Variants in PDE8B observed in about 807,000 individuals in gnomAD.
PDE8B encodes phosphodiesterase 8B.
PDE8B carries 26 observed loss-of-function variants against 101.3 expected under a neutral mutation model. The ratio of observed to expected loss-of-function variants is 0.26; its 90% CI spans 0.19 to 0.36. The LOEUF is 0.36. Ranked by LOEUF, PDE8B falls within the 10% of genes least tolerant of loss-of-function variation. The probability of loss-of-function intolerance (pLI) is 1.00; values close to 1 mark genes in which losing one functional copy is unlikely to be tolerated. For synonymous variants in PDE8B, 424 were observed against 429.3 expected (o/e 0.99, Z 0.15); for missense variants, 810 against 1,163.1 (o/e 0.70, Z 4.42).
intron 1 of PDE8B, among the ~76,000 whole-genome samples, chr5:77,257,046 A>T (rs1401086145): frequency 2.0e-5 from 3 of 152,196 alleles, no homozygotes; most frequent in Non-Finnish European, 1.5e-5. Flanking sequence ...TATGATGTCA[A>T]TCACAAAAAA....
chr5:77,361,286 T>A (rs754644180), intron 10 of PDE8B, among the ~76,000 whole-genome samples: 46 of 152,170 alleles, frequency 3.0e-4, no homozygotes, highest in Middle Eastern at 3.2e-3. Flanking sequence ...GACCTTTTTT[T>A]AATTGATTTT....
chr5:77,147,623 T>TA, the PDE8B span: 8 of 152,258 alleles, frequency 5.3e-5, no homozygotes, highest in Non-Finnish European at 8.8e-5. Flanking sequence ...TTTTTATTAG[T>TA]AAAAAAATGT....
At position 77,400,241 on chromosome 5, in the gene PDE8B, A is replaced by T; in HGVS notation, c.1168-7A>T. 6.3e-7 allele frequency: 1 copy of T among 1,591,692 alleles called. No homozygotes were observed. Among genetic ancestry groups the T allele is most frequent in the Non-Finnish European group, 8.6e-7 (1 of 1,159,618 alleles). Reference sequence around the variant, plus strand: ...TCTTGTTTTATCAAACTTTTGAACGACTTTAGATTCACAAGATTCATCGTG... The same window carrying T: ...TCTTGTTTTATCAAACTTTTGAACGTCTTTAGATTCACAAGATTCATCGTG... On this transcript the variant is annotated splice_region_variant and splice_polypyrimidine_tract_variant and intron_variant, in intron 10 of 21. Transcript: ENST00000264917.
At chr5:77,124,462 C>A in the PDE8B span, among the ~76,000 whole-genome samples, 1 of 151,964 alleles carries the variant, frequency 6.6e-6, no homozygotes, top group African/African-American at 2.4e-5. Context: ...GTGGTGCACA[C>A]CTGTATCCCA....
At chr5:77,311,871 C>A in intron 1 of PDE8B, 123 bp from the exon 2 acceptor site, 2 of 819,882 alleles carry the variant, frequency 2.4e-6, no homozygotes, top group South Asian at 1.3e-5. Context: ...ATCTCCAGTT[C>A]AGTAAGCTGG....
intron 10 of PDE8B, among the ~76,000 whole-genome samples, chr5:77,380,296 A>G (rs1787201556): frequency 6.6e-6 from 1 of 152,230 alleles, no homozygotes; most frequent in Admixed American, 6.5e-5. Context: ...TTTTGTTTTT[A>G]AAATAACATC....
At chr5:77,162,890 C>T in the PDE8B span, among the ~76,000 whole-genome samples, 88 of 152,308 alleles carry the variant, frequency 5.8e-4, no homozygotes, top group African/African-American at 1.8e-3. Context: ...TAATTATTAA[C>T]TATTCACAAT....
At chr5:77,390,129 G>A (rs1045184764) in intron 10 of PDE8B, among the ~76,000 whole-genome samples, 2 of 152,122 alleles carry the variant, frequency 1.3e-5, no homozygotes, top group African/African-American at 4.8e-5. Flanking sequence ...TGGGTGTGTA[G>A]ATAAATAGGA....
intron 11 of PDE8B, among the ~76,000 whole-genome samples, chr5:77,404,089 G>A (rs1426024523): frequency 6.6e-6 from 1 of 152,336 alleles, no homozygotes; most frequent in East Asian, 1.9e-4. Context: ...CTGGGTTCAA[G>A]CGAGTCTCCT....
intron 4 of PDE8B, among the ~76,000 whole-genome samples, chr5:77,329,735 T>C (rs1445213205): frequency 2.0e-5 from 3 of 152,218 alleles, no homozygotes; most frequent in Non-Finnish European, 4.4e-5. Context: ...ACAAAATTTG[T>C]TGTAGTCTTT....
At chr5:77,306,105 C>T in intron 1 of PDE8B, among the ~76,000 whole-genome samples, 1 of 152,140 alleles carries the variant, frequency 6.6e-6, no homozygotes, top group East Asian at 1.9e-4. Flanking sequence ...GCCCTGTTAA[C>T]AGACTACCAG....
At chr5:77,123,372 G>A in the PDE8B span, among the ~76,000 whole-genome samples, 2,059 of 59,812 alleles carry the variant, frequency 0.034, 36 homozygotes, top group African/African-American at 0.088. Context: ...ACCGCCCCCC[G>A]CTTAATATTG....
chr5:77,345,589 T>A (rs1308725030), intron 7 of PDE8B, among the ~76,000 whole-genome samples: 1 of 152,246 alleles, frequency 6.6e-6, no homozygotes, highest in Non-Finnish European at 1.5e-5. Context: ...TTTGTTTACC[T>A]GCAGTGGGTA....
the PDE8B span, among the ~76,000 whole-genome samples, chr5:77,096,335 C>T: frequency 7.2e-5 from 11 of 152,138 alleles, no homozygotes; most frequent in Non-Finnish European, 4.4e-5. Flanking sequence ...TTTGTACTTC[C>T]TTACCATTCC....
intron 1 of PDE8B, among the ~76,000 whole-genome samples, chr5:77,220,554 C>A (rs545066736): frequency 6.6e-6 from 1 of 152,196 alleles, no homozygotes; most frequent in African/African-American, 2.4e-5. Context: ...TTGTAAGGCA[C>A]CTAGTTGTTA....
intron 1 of PDE8B, among the ~76,000 whole-genome samples, chr5:77,287,388 A>T (rs1208216881): frequency 6.6e-6 from 1 of 150,620 alleles, no homozygotes; most frequent in African/African-American, 2.4e-5. Context: ...TTTTTCACCT[A>T]TATTTTGCTT....
intron 1 of PDE8B, among the ~76,000 whole-genome samples, chr5:77,310,419 G>A (rs1772334537): frequency 6.6e-6 from 1 of 152,252 alleles, no homozygotes; most frequent in Admixed American, 6.5e-5. Flanking sequence ...TGCTCTTGGG[G>A]CTGTGCCCCT....
the PDE8B span, among the ~76,000 whole-genome samples, chr5:77,177,403 G>A: frequency 1.3e-5 from 2 of 152,172 alleles, no homozygotes; most frequent in East Asian, 3.8e-4. Context: ...GGCACAGTAA[G>A]AGACTGATGA....
chr5:77,251,972 G>A (rs1045605445), intron 1 of PDE8B, among the ~76,000 whole-genome samples: 1 of 152,196 alleles, frequency 6.6e-6, no homozygotes, highest in Non-Finnish European at 1.5e-5. Context: ...TCTGTAGCTG[G>A]TAATTTCAGT....
Sources: allele counts gnomAD v4.1 joint callset (sites outside exome capture counted in the v4.1 genomes callset), GRCh38; gene constraint gnomAD v4.1.1; transcripts MANE v1.5; gene names NCBI Gene and HGNC (gene_info 2026-07-23, HGNC 2026-07-21).